TSPAN2: variants seen among roughly 807,000 people sequenced by gnomAD.
The protein encoded by TSPAN2 is tetraspanin 2.
In TSPAN2, 24 loss-of-function variants were observed where a neutral mutation model predicts 33.3. The ratio of observed to expected loss-of-function variants is 0.72; its 90% CI spans 0.52 to 1.01. The LOEUF is 1.01. Among genes scored for constraint, TSPAN2 ranks in the 50% least tolerant of loss-of-function variants. TSPAN2 has a pLI of 0.00. For synonymous variants in TSPAN2, 114 were observed against 104.5 expected, an observed-to-expected ratio of 1.09 and a Z score of -0.56; for missense variants, 278 against 281.3, an observed-to-expected ratio of 0.99 and a Z score of 0.08.
intron 1 of TSPAN2, among the ~76,000 whole-genome samples, chr1:115,080,529 C>T (rs1052865675): frequency 2.0e-5 from 3 of 152,186 alleles, no homozygotes; most frequent in African/African-American, 7.2e-5. Flanking sequence ...CTTGCCTCAG[C>T]CTCCCAAAGT....
chr1:115,055,450 G>A (rs553886226), intron 6 of TSPAN2, among the ~76,000 whole-genome samples: 3 of 151,800 alleles, frequency 2.0e-5, no homozygotes, highest in Non-Finnish European at 2.9e-5. Flanking sequence ...TCAACAGTGA[G>A]CTTTTTAAAC....
At chr1:115,080,815 T>A (rs749482375) in intron 1 of TSPAN2, among the ~76,000 whole-genome samples, 1 of 152,196 alleles carries the variant, frequency 6.6e-6, no homozygotes, top group Non-Finnish European at 1.5e-5. Flanking sequence ...CCTTGGAACA[T>A]CCAGCTGGCT....
intron 1 of TSPAN2, among the ~76,000 whole-genome samples, chr1:115,080,880 G>A (rs1247076361): frequency 6.6e-6 from 1 of 152,164 alleles, no homozygotes; most frequent in South Asian, 2.1e-4. Context: ...AGGCCACAAT[G>A]ACTACTGTGA....
intron 1 of TSPAN2, among the ~76,000 whole-genome samples, chr1:115,078,624 G>A (rs999593023): frequency 1.3e-5 from 2 of 152,154 alleles, no homozygotes; most frequent in Admixed American, 6.5e-5. Context: ...CAAGAAGGTA[G>A]CTGTCCACAA....
chr1:115,088,909 C>A (rs1468248533), intron 1 of TSPAN2, among the ~76,000 whole-genome samples: 4 of 152,148 alleles, frequency 2.6e-5, no homozygotes, highest in African/African-American at 9.7e-5. Flanking sequence ...GGAGCACCAC[C>A]CCAGGCAGCC....
chr1:115,072,843 T>C, intron 2 of TSPAN2, 62 bp downstream of exon 2: 8 of 1,393,334 alleles, frequency 5.7e-6, no homozygotes, highest in Non-Finnish European at 7.1e-6. Flanking sequence ...CAGCTTCTGC[T>C]CTAAGTCTTT....
chr1:115,064,026 T>A (rs1025084924), intron 2 of TSPAN2, among the ~76,000 whole-genome samples: 49 of 151,636 alleles, frequency 3.2e-4, no homozygotes, highest in African/African-American at 1.1e-3. Context: ...CCTGCCCATG[T>A]ACCCCCTGAT....
intron 6 of TSPAN2, among the ~76,000 whole-genome samples, chr1:115,054,815 C>T (rs1461535026): frequency 1.3e-5 from 2 of 151,916 alleles, no homozygotes; most frequent in African/African-American, 4.8e-5. Flanking sequence ...GGTGAAACCC[C>T]GTCTCTACTG....
At chr1:115,083,404 A>C (rs577175136) in intron 1 of TSPAN2, among the ~76,000 whole-genome samples, 5 of 152,310 alleles carry the variant, frequency 3.3e-5, no homozygotes, top group Admixed American at 3.3e-4. Flanking sequence ...AGACTTAATA[A>C]AGGTAAAGTG....
At chr1:115,085,400 T>C (rs1648795393) in intron 1 of TSPAN2, among the ~76,000 whole-genome samples, 2 of 152,132 alleles carry the variant, frequency 1.3e-5, no homozygotes, top group Admixed American at 1.3e-4. Flanking sequence ...TAGGGAAACT[T>C]AAAGCAAGCT....
chr1:115,059,452 T>TCAGAATCAACTGGGCCC (rs1553217178), intron 4 of TSPAN2, among the ~76,000 whole-genome samples: 1 of 152,218 alleles, frequency 6.6e-6, no homozygotes, highest in Non-Finnish European at 1.5e-5. Context: ...CAACTGGGCT[T>TCAGAATCAACTGGGCCC]CAGCATCAAC....
chr1:115,072,370 C>T (rs951955342), intron 2 of TSPAN2, among the ~76,000 whole-genome samples: 1 of 152,106 alleles, frequency 6.6e-6, no homozygotes, highest in Non-Finnish European at 1.5e-5. Flanking sequence ...ACTCTGCAGT[C>T]CCTAGTCATG....
intron 2 of TSPAN2, among the ~76,000 whole-genome samples, chr1:115,066,140 T>A (rs764202100): frequency 6.6e-6 from 1 of 152,248 alleles, no homozygotes; most frequent in South Asian, 2.1e-4. Context: ...TCTTCATCCA[T>A]CCATCTGCTG....
intron 1 of TSPAN2, among the ~76,000 whole-genome samples, chr1:115,074,805 A>G (rs1648339380): frequency 6.6e-6 from 1 of 152,176 alleles, no homozygotes; most frequent in Admixed American, 6.5e-5. Context: ...TTGGGAGGAC[A>G]CCAGCTTTGA....
At chr1:115,083,605 A>C (rs531376354) in intron 1 of TSPAN2, among the ~76,000 whole-genome samples, 1 of 152,280 alleles carries the variant, frequency 6.6e-6, no homozygotes, top group East Asian at 1.9e-4. Flanking sequence ...CTTGTTAGAA[A>C]TGCAGACCCA....
intron 2 of TSPAN2, among the ~76,000 whole-genome samples, chr1:115,064,585 T>A (rs1347667082): frequency 6.6e-6 from 1 of 152,264 alleles, no homozygotes; most frequent in Admixed American, 6.5e-5. Flanking sequence ...ACAAACCTTA[T>A]TCATCCTCTC....
At chr1:115,088,978 A>C (rs1648948863) in intron 1 of TSPAN2, among the ~76,000 whole-genome samples, 1 of 150,538 alleles carries the variant, frequency 6.6e-6, no homozygotes, top group African/African-American at 2.5e-5. Flanking sequence ...GCTGGTAGGC[A>C]GAGTGAAAAG....
At chr1:115,052,779 T>A (rs1021223572) in intron 7 of TSPAN2, among the ~76,000 whole-genome samples, 1 of 152,240 alleles carries the variant, frequency 6.6e-6, no homozygotes, top group Non-Finnish European at 1.5e-5. Context: ...TTGAGTGTTA[T>A]ATGTCCCAGA....
At chr1:115,088,444 A>G (rs989977152) in intron 1 of TSPAN2, among the ~76,000 whole-genome samples, 8 of 152,174 alleles carry the variant, frequency 5.3e-5, no homozygotes, top group Non-Finnish European at 8.8e-5. Flanking sequence ...AAAGCCCAAG[A>G]GGAAATGTGC....
Sources: gnomAD v4.1 joint callset for allele counts (sites outside exome capture counted in the v4.1 genomes callset) on GRCh38, gnomAD v4.1.1 for gene constraint, MANE v1.5 for transcripts, NCBI Gene and HGNC (gene_info 2026-07-23, HGNC 2026-07-21) for gene names.